Variants in MEIKIN observed in about 807,000 individuals in gnomAD.
MEIKIN encodes meiosis-specific kinetochore protein.
At chr5:131,866,189 C>T (rs1300863710) in intron 9 of MEIKIN, among the ~76,000 whole-genome samples, 1 of 152,188 alleles carries the variant, frequency 6.6e-6, no homozygotes, top group East Asian at 1.9e-4. Context: ...GTTGGGCAGG[C>T]TGGTTTCCAG....
At chr5:131,826,994 A>AT (rs907636053) in intron 11 of MEIKIN, among the ~76,000 whole-genome samples, 113 of 151,994 alleles carry the variant, frequency 7.4e-4, no homozygotes, top group African/African-American at 2.5e-3. Context: ...GAAAAAGTTA[A>AT]TTTTTTTTTA....
intron 9 of MEIKIN, among the ~76,000 whole-genome samples, chr5:131,870,198 A>C (rs2149623920): frequency 6.6e-6 from 1 of 152,348 alleles, no homozygotes. Flanking sequence ...ACAGCTATTA[A>C]GCACTCATAA....
chr5:131,852,768 C>A (rs1260120683), intron 10 of MEIKIN, among the ~76,000 whole-genome samples: 1 of 151,972 alleles, frequency 6.6e-6, no homozygotes, highest in Non-Finnish European at 1.5e-5. Flanking sequence ...CTAAAAACCA[C>A]TGAATTATAT....
chr5:131,900,199 G>T (rs1255860152), intron 8 of MEIKIN, among the ~76,000 whole-genome samples: 1 of 152,218 alleles, frequency 6.6e-6, no homozygotes, highest in Non-Finnish European at 1.5e-5. Context: ...AGGTAAGTTG[G>T]CTGACTAGAC....
chr5:131,930,855 CT>C (rs1751677410), intron 5 of MEIKIN, among the ~76,000 whole-genome samples: 1 of 152,116 alleles, frequency 6.6e-6, no homozygotes, highest in Admixed American at 6.5e-5. Flanking sequence ...TTAAAACTTC[CT>C]TTTTGTTGAA....
chr5:131,848,274 T>C (rs1455961136), intron 11 of MEIKIN, among the ~76,000 whole-genome samples: 1 of 151,970 alleles, frequency 6.6e-6, no homozygotes, highest in Non-Finnish European at 1.5e-5. Context: ...CTGGCAAACC[T>C]TTAATGAAAA....
intron 8 of MEIKIN, among the ~76,000 whole-genome samples, chr5:131,908,307 A>G (rs971353882): frequency 6.6e-6 from 1 of 152,218 alleles, no homozygotes; most frequent in African/African-American, 2.4e-5. Flanking sequence ...GATACATCAT[A>G]TCAACAGAAT....
intron 2 of MEIKIN, 71 bp from the exon 3 acceptor site, chr5:131,944,823 T>C (rs934317060): frequency 2.0e-5 from 8 of 398,872 alleles, no homozygotes; most frequent in African/African-American, 1.6e-4. Context: ...TCAGACTCTT[T>C]AGAATCTGAA....
chr5:131,853,907 G>C (rs1169643980), intron 10 of MEIKIN, among the ~76,000 whole-genome samples: 5 of 152,118 alleles, frequency 3.3e-5, no homozygotes, highest in Admixed American at 6.6e-5. Flanking sequence ...AATGTAAAAT[G>C]GTACAGCTAC....
chr5:131,872,493 C>T (rs1396266546), intron 9 of MEIKIN, among the ~76,000 whole-genome samples: 1 of 152,160 alleles, frequency 6.6e-6, no homozygotes, highest in Non-Finnish European at 1.5e-5. Context: ...AAATATGTGA[C>T]TATGTGAAAA....
intron 11 of MEIKIN, among the ~76,000 whole-genome samples, chr5:131,831,599 C>A (rs1269378732): frequency 6.6e-6 from 1 of 152,070 alleles, no homozygotes; most frequent in Non-Finnish European, 1.5e-5. Flanking sequence ...ATAAATCCTC[C>A]TACACTTTTT....
chr5:131,929,856 A>G (rs1751653741), intron 5 of MEIKIN, among the ~76,000 whole-genome samples: 1 of 152,214 alleles, frequency 6.6e-6, no homozygotes, highest in African/African-American at 2.4e-5. Context: ...TGCAAAAGAT[A>G]TGATTTCATT....
intron 5 of MEIKIN, among the ~76,000 whole-genome samples, chr5:131,929,431 T>C (rs1751644311): frequency 6.6e-6 from 1 of 152,202 alleles, no homozygotes; most frequent in African/African-American, 2.4e-5. Context: ...AATGCAAATG[T>C]TGGTCTGCTT....
At chr5:131,926,501 G>C (rs978278759) in intron 5 of MEIKIN, among the ~76,000 whole-genome samples, 3 of 152,084 alleles carry the variant, frequency 2.0e-5, no homozygotes, top group Non-Finnish European at 4.4e-5. Flanking sequence ...AGTTGTCTTT[G>C]CTTGTAGTAT....
intron 11 of MEIKIN, among the ~76,000 whole-genome samples, chr5:131,846,993 A>G (rs1318734792): frequency 6.6e-6 from 1 of 152,212 alleles, no homozygotes; most frequent in Non-Finnish European, 1.5e-5. Flanking sequence ...TTAGAGTATC[A>G]TAACTTCAGA....
At chr5:131,843,328 C>A (rs541277915) in intron 11 of MEIKIN, among the ~76,000 whole-genome samples, 9 of 152,238 alleles carry the variant, frequency 5.9e-5, no homozygotes, top group African/African-American at 2.2e-4. Context: ...CTGCAGCTGG[C>A]TTGAATTTCT....
At chr5:131,846,446 A>G (rs1750024643) in intron 11 of MEIKIN, among the ~76,000 whole-genome samples, 1 of 152,240 alleles carries the variant, frequency 6.6e-6, no homozygotes, top group South Asian at 2.1e-4. Context: ...AGACTAATAA[A>G]TTTAAAAAAT....
At chr5:131,892,717 T>C (rs1203870890) in intron 8 of MEIKIN, among the ~76,000 whole-genome samples, 1 of 152,248 alleles carries the variant, frequency 6.6e-6, no homozygotes, top group Non-Finnish European at 1.5e-5. Context: ...TCTCAACTCG[T>C]CAAAGTCATT....
At chr5:131,876,128 C>A (rs546488415) in intron 9 of MEIKIN, among the ~76,000 whole-genome samples, 3 of 152,036 alleles carry the variant, frequency 2.0e-5, no homozygotes, top group African/African-American at 4.8e-5. Flanking sequence ...TGGCAACAAA[C>A]GCCAAAATTG....
Sources: allele counts gnomAD v4.1 joint callset (sites outside exome capture counted in the v4.1 genomes callset), GRCh38; gene constraint gnomAD v4.1.1; transcripts MANE v1.5; gene names NCBI Gene and HGNC (gene_info 2026-07-23, HGNC 2026-07-21).